Variants in SH3PXD2A observed in about 807,000 individuals in gnomAD.
SH3PXD2A encodes SH3 and PX domain-containing protein 2A.
In SH3PXD2A, 32 loss-of-function variants were observed where a neutral mutation model predicts 115.2. The ratio of observed to expected loss-of-function variants is 0.28; its 90% CI spans 0.21 to 0.37. The LOEUF is 0.37. SH3PXD2A is among the 10% of genes least tolerant of loss of function. The probability of loss-of-function intolerance (pLI) is 1.00; values close to 1 mark genes in which losing one functional copy is unlikely to be tolerated. For synonymous variants in SH3PXD2A, 610 were observed against 629.1 expected, an observed-to-expected ratio of 0.97 and a Z score of 0.45; for missense variants, 1,328 against 1,498.7, an observed-to-expected ratio of 0.89 and a Z score of 1.88.
chr10:103,767,153 T>A lies in SH3PXD2A; in HGVS notation c.170A>T (p.Lys57Met). The change falls in exon 3 of 15, where the codon AAG becomes ATG. Residue 57 changes from lysine (K) to methionine (M), a missense_variant. Physicochemically the swap from Lys to Met is moderately conservative, Grantham distance 95. This residue lies in a region of SH3PXD2A where 110 missense variants were observed against 160.0 expected (regional missense o/e 0.69). Coordinates refer to ENST00000369774, the MANE Select transcript of SH3PXD2A (RefSeq NM_001394015.1). Reference sequence around the variant, plus strand: ...CTTCTGGCCACCTTCAATGGGAAACTTATCCAAAAGCTGCATCTGAGAAGC... The same window carrying A: ...CTTCTGGCCACCTTCAATGGGAAACATATCCAAAAGCTGCATCTGAGAAGC... ...FFDLQMQLLD[K>M]FPIEGGQKDP... 6.2e-7 allele frequency: 1 copy of A among 1,613,878 alleles called. No individual in the cohort carries two copies.
intron 1 of SH3PXD2A, among the ~76,000 whole-genome samples, chr10:103,848,300 C>G (rs1842867246): frequency 6.6e-6 from 1 of 152,086 alleles, no homozygotes; most frequent in African/African-American, 2.4e-5. Flanking sequence ...GGAGTGAGAG[C>G]TGTAAACAGG....
intron 8 of SH3PXD2A, among the ~76,000 whole-genome samples, chr10:103,634,620 C>A (rs1025178537): frequency 6.6e-6 from 1 of 152,156 alleles, no homozygotes; most frequent in African/African-American, 2.4e-5. Flanking sequence ...AATATTGGTA[C>A]TTTACACAGA....
At chr10:103,641,636 G>A (rs556124163) in intron 8 of SH3PXD2A, among the ~76,000 whole-genome samples, 12 of 152,264 alleles carry the variant, frequency 7.9e-5, no homozygotes, top group Admixed American at 2.0e-4. Context: ...TCTGACAGAT[G>A]AGCCAAGAAA....
At chr10:103,661,876 C>CCCCG in intron 7 of SH3PXD2A, 1 of 985,222 alleles carries the variant, frequency 1.0e-6, no homozygotes, top group Non-Finnish European at 1.2e-6. Context: ...AGAAGAAAGT[C>CCCCG]CCCGCGCCAG....
At chr10:103,745,797 A>ACGGCTT (rs1455678167) in intron 3 of SH3PXD2A, among the ~76,000 whole-genome samples, 1 of 151,772 alleles carries the variant, frequency 6.6e-6, no homozygotes, top group Non-Finnish European at 1.5e-5. Context: ...TGTCTCCCAC[A>ACGGCTT]CGGCTTCCGT....
intron 2 of SH3PXD2A, among the ~76,000 whole-genome samples, chr10:103,793,804 G>A (rs1242017042): frequency 6.6e-6 from 1 of 152,216 alleles, no homozygotes. Context: ...TGATTAAAAG[G>A]CAGAGTGCCT....
rs2037379387 is a variant in SH3PXD2A, at chr10:103,666,004, T to C, written c.472+2604A>G. Among the ~76,000 whole-genome samples, 1 of 152,144 alleles carries C rather than the reference T, an allele frequency of 6.6e-6. No individual in the cohort carries two copies. Among genetic ancestry groups the C allele is most frequent in the Admixed American group, 6.5e-5 (1 of 15,272 alleles). Reference sequence around the variant, plus strand: ...GTCCCCTGGACCCCTGCCCCACCCTTGCCTCACATCTGCATTCCTTCAACT... The same window carrying C: ...GTCCCCTGGACCCCTGCCCCACCCTCGCCTCACATCTGCATTCCTTCAACT... On this transcript the variant is annotated intron_variant, in intron 7 of 14. Transcript: ENST00000369774. The surrounding 1 kb of genome is among the most constrained non-coding windows in gnomAD (Gnocchi z 4.5).
Position 103,602,549 on chromosome 10 carries a change from G to A in SH3PXD2A, c.2669C>T (p.Pro890Leu), listed in dbSNP as rs777355965. The A allele has an allele frequency of 1.2e-6, 2 of 1,614,172 alleles. No individual in the cohort carries two copies. The change falls in exon 15 of 15, where the codon CCT becomes CTT. Residue 890 changes from proline (P) to leucine (L), a missense_variant. Coordinates refer to ENST00000369774, the MANE Select transcript of SH3PXD2A (RefSeq NM_001394015.1). ...VRFGELEGWA[P>L]SHYLVLDENE... is the part of the protein sequence containing the mutation. ...CTCATCCAGCACCAAATAGTGGGAA[G>A]GGGCCCAGCCCTCCAGCTCCCCAAA...
At chr10:103,649,906 G>C (rs759108369) in intron 8 of SH3PXD2A, among the ~76,000 whole-genome samples, 1 of 152,166 alleles carries the variant, frequency 6.6e-6, no homozygotes, top group African/African-American at 2.4e-5. Flanking sequence ...CCTGAGGGGG[G>C]ACTCAGCCAG....
At chr10:103,840,749 T>C (rs183361323) in intron 1 of SH3PXD2A, among the ~76,000 whole-genome samples, 105 of 152,364 alleles carry the variant, frequency 6.9e-4, no homozygotes, top group Admixed American at 6.5e-4. Flanking sequence ...AGGACCATAA[T>C]AGTGCTTTTC....
At chr10:103,690,047 A>G (rs2037727672) in intron 6 of SH3PXD2A, among the ~76,000 whole-genome samples, 1 of 152,124 alleles carries the variant, frequency 6.6e-6, no homozygotes, top group South Asian at 2.1e-4. Context: ...AGCCCTAAAC[A>G]TGGACTCCAA....
chr10:103,657,662 T>G (rs1033879796), intron 8 of SH3PXD2A, among the ~76,000 whole-genome samples: 1 of 152,212 alleles, frequency 6.6e-6, no homozygotes, highest in Non-Finnish European at 1.5e-5. Flanking sequence ...AAGTCTCACT[T>G]TGGGTTTGAC....
chr10:103,659,432 C>T (rs940664216), intron 8 of SH3PXD2A, among the ~76,000 whole-genome samples: 3 of 152,194 alleles, frequency 2.0e-5, no homozygotes, highest in Non-Finnish European at 2.9e-5. Context: ...ACATCTCCCT[C>T]GCCTGAGGTC....
intron 1 of SH3PXD2A, among the ~76,000 whole-genome samples, chr10:103,814,221 G>A (rs924425478): frequency 1.3e-5 from 2 of 152,162 alleles, no homozygotes; most frequent in South Asian, 4.1e-4. Context: ...GTTCTGAGCT[G>A]TGGCTGTGCT....
At chr10:103,698,723 A>G (rs963819771) in intron 5 of SH3PXD2A, among the ~76,000 whole-genome samples, 1 of 152,164 alleles carries the variant, frequency 6.6e-6, no homozygotes, top group Non-Finnish European at 1.5e-5. Flanking sequence ...CAGAAGAGAT[A>G]TATGTGACAT....
At chr10:103,685,606 A>G (rs2037668071) in intron 6 of SH3PXD2A, among the ~76,000 whole-genome samples, 1 of 152,094 alleles carries the variant, frequency 6.6e-6, no homozygotes, top group Non-Finnish European at 1.5e-5. Flanking sequence ...TTCATAGTAA[A>G]AGCTGCTTCA....
At chr10:103,656,416 C>A (rs1241678267) in intron 8 of SH3PXD2A, among the ~76,000 whole-genome samples, 1 of 152,230 alleles carries the variant, frequency 6.6e-6, no homozygotes, top group African/African-American at 2.4e-5. Context: ...GAGATCTCAA[C>A]TGAAAAGTCA....
chr10:103,627,327 G>A lies in SH3PXD2A; in HGVS notation c.605-125C>T. On this transcript the variant is annotated intron_variant, in intron 8 of 14. Transcript: ENST00000369774. This position sits in a 1 kb window ranked among gnomAD's most constrained non-coding sequence, Gnocchi z 4.4. The stretch of plus-strand genomic sequence containing the variant: ...GGAGCATGGAGCCAGATGGCCTGGG[G>A]ACCCAGCAAATGCCTGGCCCAGCTC... The A allele has an allele frequency of 1.6e-6, 1 of 636,648 alleles. No homozygotes were observed. The highest frequency in any genetic ancestry group is 3.9e-4 in the Middle Eastern group (1 of 2,538). 39.4% of individuals were successfully genotyped at this position (636,648 alleles called of 1,614,324 possible).
chr10:103,735,624 G>C, intron 4 of SH3PXD2A, 108 bp downstream of exon 4: 1 of 881,742 alleles, frequency 1.1e-6, no homozygotes, highest in Non-Finnish European at 1.9e-6. Context: ...GCCTCAGGAC[G>C]GTTCTGTACA....
Sources: gnomAD v4.1 joint callset for allele counts (sites outside exome capture counted in the v4.1 genomes callset) on GRCh38, gnomAD v4.1.1 for gene constraint, gnomAD v4.1.1 regional missense constraint, Gnocchi (gnomAD v3.1) non-coding constraint, MANE v1.5 for transcripts, NCBI Gene and HGNC (gene_info 2026-07-23, HGNC 2026-07-21) for gene names.